MGAT4A: variants seen among roughly 807,000 people sequenced by gnomAD.
MGAT4A encodes alpha-1,3-mannosyl-glycoprotein 4-beta-N-acetylglucosaminyltransferase A.
Under a neutral mutation model 74.1 loss-of-function variants are expected in MGAT4A, and 33 were observed. That is an observed-to-expected ratio of 0.45 (90% CI 0.34 to 0.60). MGAT4A has a LOEUF of 0.60. MGAT4A is among the 20% of genes least tolerant of loss of function. The pLI is 0.02. For missense variants in MGAT4A, 479 were observed against 628.3 expected (o/e 0.76, Z 2.54); for synonymous variants, 198 against 210.4 (o/e 0.94, Z 0.51).
At chr2:98,639,734 A>C (rs866631323) in intron 12 of MGAT4A, 74 bp downstream of exon 12, 7 of 1,386,118 alleles carry the variant, frequency 5.1e-6, no homozygotes, top group African/African-American at 2.9e-5. Context: ...CACACACACA[A>C]AAATCTATTA....
At chr2:98,726,909 T>C (rs2104340687) in intron 1 of MGAT4A, 1 of 152,336 alleles carries the variant, frequency 6.6e-6, no homozygotes, top group Non-Finnish European at 1.5e-5. Flanking sequence ...TAACATAATC[T>C]TCACTCTCTC....
At chr2:98,725,583 A>C (rs1038029598) in intron 2 of MGAT4A, among the ~76,000 whole-genome samples, 106 of 151,852 alleles carry the variant, frequency 7.0e-4, no homozygotes, top group African/African-American at 2.3e-3. Context: ...ACAAGTAAGA[A>C]GTATGGGTAG....
Position 98,625,084 on chromosome 2 carries a change from C to G in MGAT4A, c.*482G>C. 1 of 966,580 alleles carries G rather than the reference C, an allele frequency of 1.0e-6. No individual in the cohort carries two copies. The highest frequency in any genetic ancestry group is 1.2e-6 in the Non-Finnish European group (1 of 812,848). 59.9% of individuals were successfully genotyped at this position (966,580 alleles called of 1,614,324 possible). On this transcript the variant is annotated 3_prime_UTR_variant, in exon 16 of 16. Transcript: ENST00000393487. ...AGTATCGATTCAAAAATCTACTGCA[C>G]AAAAATATGTACTTCTTAAGTGTTT...
At position 98,678,294 on chromosome 2, in the gene MGAT4A, C is replaced by T; in HGVS notation, c.262+10G>A. 8.8e-7 allele frequency: 1 copy of T among 1,134,360 alleles called. No individual in the cohort carries two copies. The highest frequency in any genetic ancestry group is 1.1e-6 in the Non-Finnish European group (1 of 873,514). The allele number at this position is 1,134,360 out of a possible 1,614,324, so 70.3% of individuals were successfully genotyped here. ...AAATCTTTTTATAATATAAAAAATA[C>T]TGTTTGTACCTGAAAACTTATTCAA... On this transcript the variant is annotated intron_variant, in intron 3 of 15. Coordinates refer to ENST00000393487, the MANE Select transcript of MGAT4A (RefSeq NM_012214.3).
chr2:98,722,493 G>C (rs1002258518), intron 2 of MGAT4A, among the ~76,000 whole-genome samples: 3 of 152,194 alleles, frequency 2.0e-5, no homozygotes, highest in African/African-American at 7.2e-5. Context: ...GAAATCTATA[G>C]AGACAGAAAA....
At position 98,639,926 on chromosome 2, in the gene MGAT4A, C is replaced by A; in HGVS notation, c.1204G>T (p.Val402Phe). ...TTCTCCAGCGTATGCCCTTGGTAGACCTTCAAGGAAGTAGATACCTCCGCA... is the reference window on the plus strand; with the variant it reads ...TTCTCCAGCGTATGCCCTTGGTAGAACTTCAAGGAAGTAGATACCTCCGCA... ...PPAEVSTSLK[V>F]YQGHTLEKTY... Residue 402 changes from valine to phenylalanine, a missense_variant, in exon 12 of 16, where the codon GTC becomes TTC. Around this residue, in one of 3 missense-constraint regions of MGAT4A, gnomAD observed 236 missense variants for 308.2 expected, o/e 0.77. Coordinates refer to ENST00000393487, the MANE Select transcript of MGAT4A (RefSeq NM_012214.3). 6.2e-7 allele frequency: 1 copy of A among 1,614,082 alleles called. No homozygotes were observed.
At position 98,639,878 on chromosome 2, in the gene MGAT4A, A is replaced by G; in HGVS notation, c.1252T>C (p.Phe418Leu). 6.2e-7 allele frequency: 1 copy of G among 1,614,202 alleles called. No individual in the cohort carries two copies. The highest frequency in any genetic ancestry group is 8.5e-7 in the Non-Finnish European group (1 of 1,180,016). Residue 418 changes from phenylalanine to leucine, a missense_variant, in exon 12 of 16, where the codon TTC (phenylalanine) becomes CTC (leucine). Phe to Leu is a conservative substitution (Grantham distance 22). Coordinates refer to ENST00000393487, the MANE Select transcript of MGAT4A (RefSeq NM_012214.3). The stretch of plus-strand genomic sequence containing the variant: ...CCAGCTATCGGTGTGATAGCCCAGA[A>G]GAAATCCTCTCCCATGTAAGTTTTC... ...LEKTYMGEDFFWAITPIAGDY... is the reference protein window; with the variant it reads ...LEKTYMGEDFLWAITPIAGDY...
At chr2:98,722,166 T>G (rs144490469) in intron 2 of MGAT4A, among the ~76,000 whole-genome samples, 10 of 152,128 alleles carry the variant, frequency 6.6e-5, no homozygotes, top group Non-Finnish European at 1.5e-5. Context: ...CCAAGAAAAA[T>G]AAAAACACAT....
chr2:98,662,859 C>T (rs915096803), intron 5 of MGAT4A, among the ~76,000 whole-genome samples, 187 bp downstream of exon 5: 1 of 152,146 alleles, frequency 6.6e-6, no homozygotes, highest in Non-Finnish European at 1.5e-5. Context: ...ATTACTATTC[C>T]TGGTTTGTAA....
chr2:98,718,472 A>G (rs1702619813), intron 2 of MGAT4A, among the ~76,000 whole-genome samples: 1 of 152,202 alleles, frequency 6.6e-6, no homozygotes, highest in Non-Finnish European at 1.5e-5. Flanking sequence ...ATATGAGAAA[A>G]TCTATAAAAA....
Position 98,623,886 on chromosome 2 carries a change from G to A in MGAT4A, c.*1680C>T. On this transcript the variant is annotated 3_prime_UTR_variant, in exon 16 of 16. Transcript: ENST00000393487. ...CAGCTGGAACCTTGCCCCAGCGCTA[G>A]GCCCCAGCCAGTGGTCACTCTGAAA... is the stretch of plus-strand genomic sequence containing the variant. The A allele has an allele frequency of 2.0e-6, 2 of 985,488 alleles. No homozygotes were observed. Among genetic ancestry groups the A allele is most frequent in the South Asian group, 4.7e-5 (1 of 21,290 alleles). The allele number at this position is 985,488 out of a possible 1,614,324, so 61.0% of individuals were successfully genotyped here. A position where few individuals can be genotyped will look rare whatever the true frequency, so the allele number is the denominator to read the frequency against.
chr2:98,624,771 A>G lies in MGAT4A; in HGVS notation c.*795T>C, dbSNP rs1701119861. ...TGAATGCATCACACTTACACATTGA[A>G]AATTTATCAGACTGACTTTCTGTGG... On this transcript the variant is annotated 3_prime_UTR_variant, in exon 16 of 16. Coordinates refer to ENST00000393487, the MANE Select transcript of MGAT4A (RefSeq NM_012214.3). 2.0e-6 allele frequency: 2 copies of G among 984,730 alleles called. No individual in the cohort carries two copies. Among genetic ancestry groups the G allele is most frequent in the Non-Finnish European group, 2.4e-6 (2 of 828,862 alleles). 61.0% of individuals were successfully genotyped at this position (984,730 alleles called of 1,614,324 possible).
intron 10 of MGAT4A, among the ~76,000 whole-genome samples, chr2:98,641,658 G>A (rs1342044145): frequency 1.3e-5 from 2 of 150,092 alleles, no homozygotes; most frequent in African/African-American, 2.5e-5. Flanking sequence ...CCTAGGCCAC[G>A]GAGCGAGACT....
At chr2:98,712,290 T>C (rs755659386) in intron 2 of MGAT4A, among the ~76,000 whole-genome samples, 28 of 152,328 alleles carry the variant, frequency 1.8e-4, no homozygotes, top group Middle Eastern at 3.4e-3. Context: ...CTCATCTGAA[T>C]GTGCTGTTTT....
At chr2:98,692,288 G>A (rs990322637) in intron 2 of MGAT4A, among the ~76,000 whole-genome samples, 2 of 151,920 alleles carry the variant, frequency 1.3e-5, no homozygotes, top group Admixed American at 6.6e-5. Flanking sequence ...TTTTTTTGTA[G>A]AGACAGGGTC....
chr2:98,715,207 A>G (rs1345010475), intron 2 of MGAT4A, among the ~76,000 whole-genome samples: 2 of 151,148 alleles, frequency 1.3e-5, no homozygotes, highest in Non-Finnish European at 2.9e-5. Flanking sequence ...AATCCCAGCT[A>G]CTCAGGTGGT....
chr2:98,635,204 T>A lies in MGAT4A; in HGVS notation c.1468+18A>T, dbSNP rs3731654. The A allele has an allele frequency of 9.6e-5, 151 of 1,573,202 alleles. 1 individual carries two copies. The East Asian group carries it at 1.5e-3, about 16-fold the overall frequency. ...AAGTCCAGAAAAATAAAGGCCATTT[T>A]ACTAAAGTAGATATTACCTATTCTG... On this transcript the variant is annotated intron_variant, in intron 14 of 15. Coordinates refer to ENST00000393487, the MANE Select transcript of MGAT4A (RefSeq NM_012214.3).
chr2:98,655,607 C>T lies in MGAT4A; in HGVS notation c.699-87G>A, dbSNP rs374816622. ...TAAATGTATAAATGTCAAATGTCTA[C>T]ATAACATGTCATCTATGTATATGTG... On this transcript the variant is annotated intron_variant, in intron 7 of 15. Coordinates refer to ENST00000393487, the MANE Select transcript of MGAT4A (RefSeq NM_012214.3). 65 of 801,448 alleles carry T rather than the reference C, an allele frequency of 8.1e-5. No individual in the cohort carries two copies. In the East Asian group the frequency reaches 1.3e-3, roughly 16 times the overall value. The allele number at this position is 801,448 out of a possible 1,614,324, so 49.6% of individuals were successfully genotyped here. A position where few individuals can be genotyped will look rare whatever the true frequency, so the allele number is the denominator to read the frequency against.
intron 3 of MGAT4A, among the ~76,000 whole-genome samples, chr2:98,677,040 G>A (rs532183031): frequency 6.6e-6 from 1 of 152,282 alleles, no homozygotes; most frequent in Admixed American, 6.5e-5. Flanking sequence ...TTTAAAACAG[G>A]TGAAGCTAAA....
Sources: gnomAD v4.1 joint callset for allele counts (sites outside exome capture counted in the v4.1 genomes callset) on GRCh38, gnomAD v4.1.1 for gene constraint, gnomAD v4.1.1 regional missense constraint, MANE v1.5 for transcripts, NCBI Gene and HGNC (gene_info 2026-07-23, HGNC 2026-07-21) for gene names.